COL6A3: variants seen among roughly 807,000 people sequenced by gnomAD.
COL6A3 encodes collagen alpha-3(VI) chain.
Under a neutral mutation model 274.1 loss-of-function variants are expected in COL6A3, and 137 were observed. The ratio of observed to expected loss-of-function variants is 0.50; its 90% CI spans 0.44 to 0.58. The LOEUF is 0.58. Ranked by LOEUF, COL6A3 falls within the 20% of genes least tolerant of loss-of-function variation. COL6A3 has a pLI of 0.00. For missense variants in COL6A3, 3,950 were observed against 4,124.9 expected (o/e 0.96, Z 1.16); for synonymous variants, 1,650 against 1,650.6 (o/e 1.00, Z 0.01).
intron 4 of COL6A3, chr2:237,386,415 T>G (rs2078144663): frequency 1.3e-5 from 2 of 152,358 alleles, no homozygotes; most frequent in South Asian, 4.1e-4. Flanking sequence ...CAATTGTAAT[T>G]GATACAATGG....
intron 14 of COL6A3, among the ~76,000 whole-genome samples, chr2:237,362,763 T>G (rs1419451366): frequency 6.6e-6 from 1 of 152,170 alleles, no homozygotes. Flanking sequence ...AGGCTGGCCC[T>G]GGGGAGAATG....
chr2:237,359,836 T>A (rs1436109747), intron 17 of COL6A3, among the ~76,000 whole-genome samples: 3 of 152,192 alleles, frequency 2.0e-5, no homozygotes, highest in Non-Finnish European at 4.4e-5. Context: ...CCATGTTCTC[T>A]CCTTGTGAGG....
At chr2:237,357,147 G>T in intron 23 of COL6A3, 191 bp downstream of exon 23, 2 of 717,696 alleles carry the variant, frequency 2.8e-6, no homozygotes, top group East Asian at 2.5e-5. Context: ...GCAAGAATTG[G>T]GGAGAGAGAA....
intron 1 of COL6A3, among the ~76,000 whole-genome samples, chr2:237,412,878 C>G (rs555854301): frequency 6.6e-6 from 1 of 152,256 alleles, no homozygotes; most frequent in East Asian, 1.9e-4. Context: ...CCATCCAGCA[C>G]AGCAGACTCC....
chr2:237,355,511 C>A (rs1047094168), intron 23 of COL6A3: 2 of 152,332 alleles, frequency 1.3e-5, no homozygotes, highest in African/African-American at 2.4e-5. Context: ...CCAGAGGTGA[C>A]CTTTAGTTCA....
At chr2:237,411,471 C>A (rs1342641709) in intron 1 of COL6A3, among the ~76,000 whole-genome samples, 1 of 152,156 alleles carries the variant, frequency 6.6e-6, no homozygotes, top group East Asian at 1.9e-4. Context: ...CTGCCAGCTT[C>A]CAAAGCTTCC....
rs553747799 is a variant in COL6A3, at chr2:237,380,604, C to T, written c.1897+311G>A. Among the ~76,000 whole-genome samples the T allele has an allele frequency of 5.9e-5, 9 of 152,298 alleles. No homozygotes were observed. The South Asian group carries it at 1.7e-3, about 28-fold the overall frequency. ...GAAATCACCAGTAGAAACAGAAGAA[C>T]ACAGGGATCTGACAAGCGATAAGAA... On this transcript the variant is annotated intron_variant, in intron 5 of 43. Transcript: ENST00000295550.
chr2:237,341,219 CTGGGAGACT>C (rs2106320353), intron 37 of COL6A3, 69 bp from the exon 38 acceptor site: 1 of 1,438,538 alleles, frequency 7.0e-7, no homozygotes, highest in Admixed American at 1.7e-5. Flanking sequence ...CATCAATCTG[CTGGGAGACT>C]TGGGCGATTA....
intron 3 of COL6A3, among the ~76,000 whole-genome samples, chr2:237,393,804 G>C (rs2078353321): frequency 6.6e-6 from 1 of 152,218 alleles, no homozygotes; most frequent in Non-Finnish European, 1.5e-5. Flanking sequence ...GGCTTAACTG[G>C]TTAAATAACC....
intron 23 of COL6A3, among the ~76,000 whole-genome samples, chr2:237,356,146 G>C (rs1260546865): frequency 1.3e-5 from 2 of 152,210 alleles, no homozygotes; most frequent in African/African-American, 4.8e-5. Flanking sequence ...TCTACCTTGT[G>C]TGTAGAATTG....
chr2:237,395,295 A>G, intron 2 of COL6A3, 91 bp from the exon 3 acceptor site: 2 of 1,337,662 alleles, frequency 1.5e-6, no homozygotes, highest in African/African-American at 1.4e-5. Context: ...TTTGGTTTAC[A>G]CTATACTGCT....
Position 237,381,346 on chromosome 2 carries a change from T to A in COL6A3, c.1466A>T (p.Tyr489Phe). ...QDLIQVAVAQ[Y>F]ADTVRPEFYF... is the part of the protein sequence containing the mutation. ...AAATTCAGGCCTCACAGTGTCTGCA[T>A]ACTGGGCCACTGCCACCTGGATAAG... Residue 489 changes from tyrosine to phenylalanine, a missense_variant, in exon 5 of 44, where the codon TAT becomes TTT. Physicochemically the swap from Tyr to Phe is conservative, Grantham distance 22. This residue lies in a region of COL6A3 where 1,934 missense variants were observed against 1,984.3 expected (regional missense o/e 0.97). Transcript: ENST00000295550. The A allele has an allele frequency of 1.9e-6, 3 of 1,614,260 alleles. No homozygotes were observed. Among genetic ancestry groups the A allele is most frequent in the Non-Finnish European group, 2.5e-6 (3 of 1,180,040 alleles).
intron 1 of COL6A3, among the ~76,000 whole-genome samples, chr2:237,402,930 A>T (rs1277396741): frequency 1.3e-5 from 2 of 152,174 alleles, no homozygotes; most frequent in Non-Finnish European, 2.9e-5. Flanking sequence ...AGCTAATGAA[A>T]TCAGGGATGA....
rs1046438445 is a variant in COL6A3 at position 237,353,538 on chromosome 2, T to G, written c.6628-135A>C. The G allele has an allele frequency of 1.1e-5, 8 of 753,034 alleles. No homozygotes were observed. In the African/African-American group the frequency reaches 1.4e-4, roughly 13 times the overall value. 46.6% of individuals were successfully genotyped at this position (753,034 alleles called of 1,614,324 possible). On this transcript the variant is annotated intron_variant, in intron 24 of 43. Transcript: ENST00000295550. ...ACTCAGCTCTTCCAGAGGTAACAGA[T>G]GATCAAAGCGGTAACCCCAGGTGAG...
chr2:237,336,951 T>C (rs1374430378), intron 39 of COL6A3, among the ~76,000 whole-genome samples: 2 of 152,220 alleles, frequency 1.3e-5, no homozygotes, highest in African/African-American at 4.8e-5. Flanking sequence ...TCAAATGCTA[T>C]GTTGAGCTGG....
intron 40 of COL6A3, 87 bp from the exon 41 acceptor site, chr2:237,334,976 G>C (rs1448825132): frequency 6.7e-7 from 1 of 1,500,036 alleles, no homozygotes; most frequent in South Asian, 1.1e-5. Flanking sequence ...TGAAAGGGAT[G>C]TGTTAACAGA....
Position 237,350,133 on chromosome 2 carries a change from C to G in COL6A3, c.6879+14G>C. On this transcript the variant is annotated intron_variant, in intron 28 of 43. Coordinates refer to ENST00000295550, the MANE Select transcript of COL6A3 (RefSeq NM_004369.4). Reference sequence around the variant, plus strand: ...GTCAGCGACAGCCTGACCCCAAGCGCGCTGTGACCTTACCGTCTCCCCACG... The same window carrying G: ...GTCAGCGACAGCCTGACCCCAAGCGGGCTGTGACCTTACCGTCTCCCCACG... The G allele has an allele frequency of 6.2e-7, 1 of 1,613,834 alleles. No homozygotes were observed. Among genetic ancestry groups the G allele is most frequent in the Non-Finnish European group, 8.5e-7 (1 of 1,179,744 alleles).
rs572020866 is a variant in COL6A3, at chr2:237,395,189, G to T, written c.107C>A (p.Ala36Glu). ...CACTAGAAATATTATATCAGCAGCC[G>T]CACCATTTTTGACATCTTTAAAAAA... ...QQQQADVKNGAAADIIFLVDS... is the reference protein window; with the variant it reads ...QQQQADVKNGEAADIIFLVDS... Residue 36 changes from alanine (A) to glutamate (E), a missense_variant, in exon 3 of 44, where the codon GCG becomes GAG. Physicochemically the swap from Ala to Glu is moderately radical, Grantham distance 107. This residue lies in a region of COL6A3 where 1,934 missense variants were observed against 1,984.3 expected (regional missense o/e 0.97). Transcript: ENST00000295550. The T allele has an allele frequency of 1.9e-6, 3 of 1,613,192 alleles. No homozygotes were observed. Among genetic ancestry groups the T allele is most frequent in the Non-Finnish European group, 2.5e-6 (3 of 1,179,954 alleles).
In COL6A3 at chr2:237,353,417, G is replaced by A. The variant is rs2077249172; in HGVS notation, c.6628-14C>T. ...GCCCTTGTTGCCCTTTGAAATAAGAGAAGATGCAGGGAGGAGTCAGGATGG... is the reference window on the plus strand; with the variant it reads ...GCCCTTGTTGCCCTTTGAAATAAGAAAAGATGCAGGGAGGAGTCAGGATGG... On this transcript the variant is annotated splice_polypyrimidine_tract_variant and intron_variant, in intron 24 of 43. Transcript: ENST00000295550. 6.2e-7 allele frequency: 1 copy of A among 1,613,124 alleles called. No homozygotes were observed. Among genetic ancestry groups the A allele is most frequent in the African/African-American group, 1.3e-5 (1 of 75,012 alleles).
Sources: allele counts gnomAD v4.1 joint callset (sites outside exome capture counted in the v4.1 genomes callset), GRCh38; gene constraint gnomAD v4.1.1; regional missense constraint gnomAD v4.1.1; transcripts MANE v1.5; gene names NCBI Gene and HGNC (gene_info 2026-07-23, HGNC 2026-07-21).